The following ASTN1 variants were observed in gnomAD, a reference collection of about 807,000 sequenced individuals.
The protein encoded by ASTN1 is astrotactin-1.
In ASTN1, 41 loss-of-function variants were observed where a neutral mutation model predicts 140.7. The ratio of observed to expected loss-of-function variants is 0.29; its 90% CI spans 0.23 to 0.38. ASTN1 has a LOEUF of 0.38. ASTN1 is among the 10% of genes least tolerant of loss of function. The probability of loss-of-function intolerance (pLI) is 1.00; values close to 1 mark genes in which losing one functional copy is unlikely to be tolerated. For synonymous variants in ASTN1, 640 were observed against 652.2 expected (o/e 0.98, Z 0.29); for missense variants, 1,479 against 1,678.8 (o/e 0.88, Z 2.08).
At position 176,958,581 on chromosome 1, in the gene ASTN1, T is replaced by C. The variant is rs932433912; in HGVS notation, c.1599-99A>G. Reference sequence around the variant, plus strand: ...ATTACCAGTGCTTTCTTCTCACCCTTTGTAGTCCTTTTCAGAAAGACTGCC... The same window carrying C: ...ATTACCAGTGCTTTCTTCTCACCCTCTGTAGTCCTTTTCAGAAAGACTGCC... On this transcript the variant is annotated intron_variant, in intron 9 of 22. Coordinates refer to ENST00000361833, the MANE Select transcript of ASTN1 (RefSeq NM_004319.3). 1.1e-5 allele frequency: 16 copies of C among 1,403,534 alleles called. No homozygotes were observed. In the East Asian group the frequency reaches 2.4e-4, roughly 21 times the overall value. The allele number at this position is 1,403,534 out of a possible 1,614,324, so 86.9% of individuals were successfully genotyped here.
rs377028979 is a variant in ASTN1 at position 177,164,632 on chromosome 1, C to T, written c.45G>A (p.Gly15=). The T allele has an allele frequency of 1.9e-6, 3 of 1,607,140 alleles. No individual in the cohort carries two copies. The highest frequency in any genetic ancestry group is 2.5e-6 in the Non-Finnish European group (3 of 1,176,808). ...GLCALLACCW[G]PAAVLATAAG... Reference sequence around the variant, plus strand: ...CGGCCGTGGCCAGCACCGCCGCCGGCCCCCAGCAGCAGGCGAGCAGGGCGC... The same window carrying T: ...CGGCCGTGGCCAGCACCGCCGCCGGTCCCCAGCAGCAGGCGAGCAGGGCGC... The change falls in exon 1 of 23, where the codon GGG becomes GGA. Residue 15 remains glycine, a synonymous_variant. Transcript: ENST00000361833.
intron 20 of ASTN1, among the ~76,000 whole-genome samples, chr1:176,880,547 C>G (rs1218698476): frequency 3.3e-5 from 5 of 152,224 alleles, no homozygotes; most frequent in African/African-American, 1.2e-4. Flanking sequence ...ACCAGACATA[C>G]TTTAAGGTCT....
In ASTN1 at chr1:177,032,519, C is replaced by T. The variant is rs1386736918; in HGVS notation, c.802G>A (p.Val268Ile). 6.2e-7 allele frequency: 1 copy of T among 1,614,086 alleles called. No individual in the cohort carries two copies. Reference sequence around the variant, plus strand: ...TGCAGGGAGTCGAGGGTGCGCGTGACCTGGCTGGCAAAGTCCTCCCCTCCG... The same window carrying T: ...TGCAGGGAGTCGAGGGTGCGCGTGATCTGGCTGGCAAAGTCCTCCCCTCCG... ...MNGGEDFASQ[V>I]TRTLDSLQGC... is the part of the protein sequence containing the mutation. Residue 268 changes from valine to isoleucine, a missense_variant, in exon 3 of 23, where the codon GTC (valine) becomes ATC (isoleucine). Physicochemically the swap from Val to Ile is conservative, Grantham distance 29. This residue lies in a region of ASTN1 where 729 missense variants were observed against 860.4 expected (regional missense o/e 0.85). Transcript: ENST00000361833.
intron 16 of ASTN1, among the ~76,000 whole-genome samples, chr1:176,908,811 C>T (rs61813267): frequency 0.06 from 9,096 of 151,988 alleles, 353 homozygotes; most frequent in Non-Finnish European, 0.087. Flanking sequence ...AAGGTATAAA[C>T]GTGTGATTAA....
intron 16 of ASTN1, among the ~76,000 whole-genome samples, chr1:176,909,693 T>C (rs536335699): frequency 3.7e-4 from 56 of 151,428 alleles, no homozygotes; most frequent in Non-Finnish European, 6.9e-4. Context: ...ATCCTAAATC[T>C]TGAATAACTA....
intron 9 of ASTN1, among the ~76,000 whole-genome samples, chr1:176,964,869 T>C (rs769637456): frequency 1.2e-4 from 19 of 152,140 alleles, no homozygotes; most frequent in Admixed American, 3.3e-4. Context: ...AGGCATGTAA[T>C]ATAGCCCCAT....
In ASTN1 at chr1:176,926,779, T is replaced by C. The variant is rs572762171; in HGVS notation, c.2671+7373A>G. Among the ~76,000 whole-genome samples the C allele has an allele frequency of 6.6e-5, 10 of 152,356 alleles. No individual in the cohort carries two copies. The East Asian group carries it at 1.5e-3, about 24-fold the overall frequency. On this transcript the variant is annotated intron_variant, in intron 16 of 22. Transcript: ENST00000361833. Reference sequence around the variant, plus strand: ...TAAAGCCGTATAGAAATTTGTTGACTCTTCATTGGATTTCTATAAATTTGT... The same window carrying C: ...TAAAGCCGTATAGAAATTTGTTGACCCTTCATTGGATTTCTATAAATTTGT...
Position 176,888,164 on chromosome 1 carries a change from C to G in ASTN1, c.2981G>C (p.Gly994Ala), listed in dbSNP as rs762716896. 3 of 1,614,066 alleles carry G rather than the reference C, an allele frequency of 1.9e-6. No individual in the cohort carries two copies. The highest frequency in any genetic ancestry group is 2.2e-5 in the South Asian group (2 of 91,080). ...EATMSSLWCS[G>A]TGDVIEDWCR... is the part of the protein sequence containing the mutation. Reference sequence around the variant, plus strand: ...CCAGTCCTCGATGACATCTCCAGTCCCTGAGCACCAGAGAGAGCTCATGGT... The same window carrying G: ...CCAGTCCTCGATGACATCTCCAGTCGCTGAGCACCAGAGAGAGCTCATGGT... The change falls in exon 18 of 23, where the codon GGG (glycine) becomes GCG (alanine). Residue 994 changes from glycine (G) to alanine (A), a missense_variant. Around this residue, in one of 3 missense-constraint regions of ASTN1, gnomAD observed 746 missense variants for 800.9 expected, o/e 0.93. Coordinates refer to ENST00000361833, the MANE Select transcript of ASTN1 (RefSeq NM_004319.3).
chr1:177,010,024 T>G (rs557015567), intron 8 of ASTN1, among the ~76,000 whole-genome samples: 54 of 152,306 alleles, frequency 3.5e-4, no homozygotes, highest in South Asian at 2.1e-4. Flanking sequence ...CTAGAGGCCC[T>G]TGGGTGTACT....
At chr1:176,966,100 C>T (rs1001232608) in intron 8 of ASTN1, among the ~76,000 whole-genome samples, 3 of 152,192 alleles carry the variant, frequency 2.0e-5, no homozygotes, top group African/African-American at 7.2e-5. Flanking sequence ...ATTGCACACA[C>T]TAGGTGGATT....
intron 7 of ASTN1, among the ~76,000 whole-genome samples, chr1:177,017,129 T>C (rs1478876022): frequency 6.6e-6 from 1 of 152,228 alleles, no homozygotes; most frequent in Non-Finnish European, 1.5e-5. Context: ...CAGCAATACC[T>C]ACCATTTGTA....
intron 7 of ASTN1, among the ~76,000 whole-genome samples, chr1:177,021,212 T>G (rs891414501): frequency 7.2e-5 from 11 of 152,182 alleles, no homozygotes; most frequent in African/African-American, 2.2e-4. Context: ...TGCACCTTAG[T>G]TTTGTCTTGG....
At chr1:177,057,906 A>G (rs916825292) in intron 2 of ASTN1, among the ~76,000 whole-genome samples, 1 of 152,196 alleles carries the variant, frequency 6.6e-6, no homozygotes. Flanking sequence ...AGGGTATGGT[A>G]TAAAGTGTGT....
At chr1:176,927,703 C>T (rs960476485) in intron 16 of ASTN1, among the ~76,000 whole-genome samples, 3 of 152,166 alleles carry the variant, frequency 2.0e-5, no homozygotes, top group Non-Finnish European at 4.4e-5. Context: ...ATTAACAAGA[C>T]GTGGTCATAT....
chr1:177,117,291 G>T (rs545225730), intron 1 of ASTN1, among the ~76,000 whole-genome samples: 1 of 151,956 alleles, frequency 6.6e-6, no homozygotes. Flanking sequence ...AGTCACTCCC[G>T]GCTTCACTCC....
At chr1:177,014,164 T>C (rs374921307) in intron 8 of ASTN1, among the ~76,000 whole-genome samples, 1 of 152,170 alleles carries the variant, frequency 6.6e-6, no homozygotes, top group African/African-American at 2.4e-5. Context: ...TTGTATGTTA[T>C]ATATTTTTTA....
rs924717364 is a variant in ASTN1 at position 176,863,543 on chromosome 1, G to A, written c.*741C>T. ...TTTCTGAAGGTGCAGTTGACAGATG[G>A]CATCTTGTTCCCTCTCAAAGATCAT... is the stretch of plus-strand genomic sequence containing the variant. On this transcript the variant is annotated 3_prime_UTR_variant, in exon 23 of 23. Transcript: ENST00000361833. 10 of 985,328 alleles carry A rather than the reference G, an allele frequency of 1.0e-5. No individual in the cohort carries two copies. The highest frequency in any genetic ancestry group is 1.1e-5 in the Non-Finnish European group (9 of 829,944). 61.0% of individuals were successfully genotyped at this position (985,328 alleles called of 1,614,324 possible). A position where few individuals can be genotyped will look rare whatever the true frequency, so the allele number is the denominator to read the frequency against.
At chr1:177,024,480 A>C in intron 6 of ASTN1, 103 bp downstream of exon 6, 2 of 1,411,684 alleles carry the variant, frequency 1.4e-6, no homozygotes, top group Non-Finnish European at 1.9e-6. Context: ...TTCCCCCGGT[A>C]GAGTAATAGG....
At chr1:177,162,695 A>G (rs547819251) in intron 1 of ASTN1, among the ~76,000 whole-genome samples, 4 of 152,296 alleles carry the variant, frequency 2.6e-5, no homozygotes, top group African/African-American at 9.6e-5. Flanking sequence ...GCAGAGTGCA[A>G]AACAGCCTCT....
Sources: gnomAD v4.1 joint callset for allele counts (sites outside exome capture counted in the v4.1 genomes callset) on GRCh38, gnomAD v4.1.1 for gene constraint, gnomAD v4.1.1 regional missense constraint, MANE v1.5 for transcripts, NCBI Gene and HGNC (gene_info 2026-07-23, HGNC 2026-07-21) for gene names.